Variants in ELOVL4 observed in about 807,000 individuals in gnomAD.
ELOVL4 encodes the protein very long chain fatty acid elongase 4.
ELOVL4 carries 18 observed loss-of-function variants against 42.1 expected under a neutral mutation model. The ratio of observed to expected loss-of-function variants is 0.43; its 90% CI spans 0.30 to 0.63. The LOEUF (loss-of-function observed/expected upper bound fraction) is 0.63, where lower values mean the gene tolerates loss of function less well. Ranked by LOEUF, ELOVL4 falls within the 30% of genes least tolerant of loss-of-function variation. ELOVL4 has a pLI of 0.15. For synonymous variants in ELOVL4, 117 were observed against 127.0 expected (o/e 0.92, Z 0.53); for missense variants, 299 against 376.2 (o/e 0.79, Z 1.70).
At chr6:79,920,087 ATAAT>A (rs1271248637) in intron 4 of ELOVL4, among the ~76,000 whole-genome samples, 1 of 152,224 alleles carries the variant, frequency 6.6e-6, no homozygotes, top group Non-Finnish European at 1.5e-5. Flanking sequence ...AGATGTAATA[ATAAT>A]TAATTTTTGT....
chr6:79,938,614 C>T (rs940397061), intron 1 of ELOVL4, among the ~76,000 whole-genome samples: 1 of 152,138 alleles, frequency 6.6e-6, no homozygotes, highest in African/African-American at 2.4e-5. Context: ...GGCTAAATAT[C>T]GCATTTTGTA....
intron 3 of ELOVL4, among the ~76,000 whole-genome samples, chr6:79,923,232 G>A (rs75982053): frequency 0.032 from 4,862 of 152,190 alleles, 108 homozygotes; most frequent in Middle Eastern, 0.061. Flanking sequence ...GAGTCTCTGC[G>A]TAAAATATTC....
At chr6:79,919,769 T>C (rs1235419025) in intron 4 of ELOVL4, among the ~76,000 whole-genome samples, 1 of 152,198 alleles carries the variant, frequency 6.6e-6, no homozygotes, top group East Asian at 1.9e-4. Context: ...TAAATAAAAA[T>C]GTATGTTCAA....
intron 1 of ELOVL4, among the ~76,000 whole-genome samples, chr6:79,945,229 T>C (rs145610945): frequency 1.2e-4 from 19 of 152,316 alleles, no homozygotes; most frequent in African/African-American, 2.6e-4. Context: ...GTTTCGTAAG[T>C]GGATAGTCAA....
At chr6:79,946,803 T>TA (rs1309277323) in intron 1 of ELOVL4, among the ~76,000 whole-genome samples, 4 of 151,992 alleles carry the variant, frequency 2.6e-5, no homozygotes, top group Non-Finnish European at 5.9e-5. Context: ...GACTAAATGT[T>TA]AAAAGGAATC....
intron 1 of ELOVL4, among the ~76,000 whole-genome samples, chr6:79,943,109 CAAAT>C (rs2127702603): frequency 6.6e-6 from 1 of 151,896 alleles, no homozygotes; most frequent in South Asian, 2.1e-4. Flanking sequence ...CTTAGCCAAA[CAAAT>C]AAACCTATTT....
intron 1 of ELOVL4, among the ~76,000 whole-genome samples, chr6:79,932,235 T>C (rs1169997774): frequency 6.6e-6 from 1 of 152,126 alleles, no homozygotes; most frequent in African/African-American, 2.4e-5. Flanking sequence ...TATTTGCGTA[T>C]TATTCCTTTA....
chr6:79,919,688 T>G, intron 4 of ELOVL4, 141 bp from the exon 5 acceptor site: 1 of 763,842 alleles, frequency 1.3e-6, no homozygotes, highest in Non-Finnish European at 2.0e-6. Context: ...TATAAAGTAG[T>G]ACTAATGAAA....
At chr6:79,946,046 C>T (rs1198678278) in intron 1 of ELOVL4, among the ~76,000 whole-genome samples, 3 of 152,220 alleles carry the variant, frequency 2.0e-5, no homozygotes, top group Admixed American at 1.3e-4. Flanking sequence ...GCTGTAACCA[C>T]TGTCTAATTT....
intron 1 of ELOVL4, among the ~76,000 whole-genome samples, chr6:79,928,652 T>G (rs1774386770): frequency 1.4e-5 from 2 of 139,880 alleles, no homozygotes; most frequent in South Asian, 2.3e-4. Context: ...AGTAAAAAAG[T>G]AAAGAGAAAC....
chr6:79,932,904 GAA>G (rs1467493925), intron 1 of ELOVL4, among the ~76,000 whole-genome samples: 1 of 152,120 alleles, frequency 6.6e-6, no homozygotes, highest in Non-Finnish European at 1.5e-5. Flanking sequence ...TTTTTTCAAA[GAA>G]GAGGAATTTG....
At chr6:79,931,160 A>C (rs927111598) in intron 1 of ELOVL4, among the ~76,000 whole-genome samples, 2 of 152,200 alleles carry the variant, frequency 1.3e-5, no homozygotes, top group Non-Finnish European at 2.9e-5. Flanking sequence ...AAATTTGTTT[A>C]TCAAATTATT....
Position 79,926,285 on chromosome 6 carries a change from C to T in ELOVL4, c.197G>A (p.Trp66Ter). 1 of 1,613,902 alleles carries T rather than the reference C, an allele frequency of 6.2e-7. No homozygotes were observed. Residue 66 changes from tryptophan (W) to a stop codon, truncating the protein, a stop_gained, in exon 2 of 6, where the codon TGG becomes TAG. Transcript: ENST00000369816. LOFTEE classifies it high-confidence loss of function. ...CTGAAAAGGTTCTCGGTCCTTCATCCATTTTGGACCCAGCCACACAAACAG... is the reference window on the plus strand; with the variant it reads ...CTGAAAAGGTTCTCGGTCCTTCATCTATTTTGGACCCAGCCACACAAACAG... Reference protein sequence around the residue: ...YLLFVWLGPKWMKDREPFQMR... With the variant: ...YLLFVWLGPK
intron 1 of ELOVL4, among the ~76,000 whole-genome samples, chr6:79,939,950 G>A (rs2127701999): frequency 6.6e-6 from 1 of 152,286 alleles, no homozygotes; most frequent in Middle Eastern, 3.4e-3. Flanking sequence ...TTTTAAGACT[G>A]AATAATATTC....
At chr6:79,933,703 A>G (rs1352867366) in intron 1 of ELOVL4, among the ~76,000 whole-genome samples, 4 of 152,270 alleles carry the variant, frequency 2.6e-5, no homozygotes, top group African/African-American at 7.2e-5. Flanking sequence ...CCCAGGTCCT[A>G]CTGAATCAAA....
rs751105802 is a variant in ELOVL4 at position 79,947,314 on chromosome 6, G to A, written c.-35C>T. 33 of 1,551,548 alleles carry A rather than the reference G, an allele frequency of 2.1e-5. 1 individual carries two copies. In the South Asian group the frequency reaches 3.6e-4, roughly 17 times the overall value. ...GAGCGGGCGCTGGCGGCAGGAGAAAGCGGAGACCCAGAGAGAGGGCTGACC... is the reference window on the plus strand; with the variant it reads ...GAGCGGGCGCTGGCGGCAGGAGAAAACGGAGACCCAGAGAGAGGGCTGACC... On this transcript the variant is annotated 5_prime_UTR_variant, in exon 1 of 6. Transcript: ENST00000369816.
chr6:79,916,479 A>T lies in ELOVL4; in HGVS notation c.*129T>A. 1 of 992,710 alleles carries T rather than the reference A, an allele frequency of 1.0e-6. No homozygotes were observed. The highest frequency in any genetic ancestry group is 1.6e-6 in the Non-Finnish European group (1 of 635,250). The allele number at this position is 992,710 out of a possible 1,614,324, so 61.5% of individuals were successfully genotyped here. A position where few individuals can be genotyped will look rare whatever the true frequency, so the allele number is the denominator to read the frequency against. On this transcript the variant is annotated 3_prime_UTR_variant, in exon 6 of 6. Transcript: ENST00000369816. ...TAACACTTTACTCAGTCTAAGAGTT[A>T]CTAGGACATAGAGCACATTTGTCTT... is the stretch of plus-strand genomic sequence containing the variant.
At chr6:79,941,648 C>T (rs1014790754) in intron 1 of ELOVL4, among the ~76,000 whole-genome samples, 12 of 152,106 alleles carry the variant, frequency 7.9e-5, no homozygotes, top group African/African-American at 1.2e-4. Context: ...GATCACATGA[C>T]ACCAGGAGTT....
intron 5 of ELOVL4, among the ~76,000 whole-genome samples, chr6:79,918,454 T>A (rs574736970): frequency 3.3e-5 from 5 of 152,316 alleles, no homozygotes; most frequent in Non-Finnish European, 5.9e-5. Context: ...AGAAATGAAT[T>A]ACACAAACTG....
Sources: allele counts gnomAD v4.1 joint callset (sites outside exome capture counted in the v4.1 genomes callset), GRCh38; gene constraint gnomAD v4.1.1; transcripts MANE v1.5; gene names NCBI Gene and HGNC (gene_info 2026-07-23, HGNC 2026-07-21).